Variants in EML1 observed in about 807,000 individuals in gnomAD.
EML1 encodes echinoderm microtubule-associated protein-like 1.
Under a neutral mutation model 110.4 loss-of-function variants are expected in EML1, and 27 were observed. The observed-to-expected ratio is 0.24, with a 90% CI of 0.18 to 0.34. The LOEUF (loss-of-function observed/expected upper bound fraction) is 0.34, where lower values mean the gene tolerates loss of function less well. EML1 is among the 10% of genes least tolerant of loss of function. The probability of loss-of-function intolerance (pLI) is 1.00; values close to 1 mark genes in which losing one functional copy is unlikely to be tolerated. For missense variants in EML1, 741 were observed against 1,030.9 expected, an observed-to-expected ratio of 0.72 and a Z score of 3.85; for synonymous variants, 344 against 385.8, an observed-to-expected ratio of 0.89 and a Z score of 1.27.
intron 1 of EML1, among the ~76,000 whole-genome samples, chr14:99,754,682 A>G (rs1253976129): frequency 6.6e-6 from 1 of 152,234 alleles, no homozygotes; most frequent in Admixed American, 6.5e-5. Flanking sequence ...ACCCCGGCAC[A>G]GGGCAGAGAG....
chr14:99,788,631 A>ATG (rs376095429), upstream of EML1, among the ~76,000 whole-genome samples: 944 of 150,258 alleles, frequency 6.3e-3, 3 homozygotes, highest in African/African-American at 0.01. Context: ...TCTCCCTAAT[A>ATG]TGTGTGTGTG....
At chr14:99,754,490 G>A (rs1041443905) in intron 1 of EML1, among the ~76,000 whole-genome samples, 1 of 152,220 alleles carries the variant, frequency 6.6e-6, no homozygotes, top group Non-Finnish European at 1.5e-5. Context: ...CTGTGTGGGA[G>A]GAGTAGGTTA....
In EML1 at chr14:99,879,344, C is replaced by T. The variant is rs2059347252; in HGVS notation, c.518+725C>T. 2.0e-5 allele frequency among the ~76,000 whole-genome samples: 3 copies of T among 152,092 alleles called. No individual in the cohort carries two copies. The South Asian group carries it at 6.2e-4, about 32-fold the overall frequency. On this transcript the variant is annotated intron_variant, in intron 4 of 21. Transcript: ENST00000262233. ...CTATGTATTTTTACCTAACATTGTA[C>T]TTTGTTCTCACTTTTTAAACATTGT... is the stretch of plus-strand genomic sequence containing the variant.
intron 1 of EML1, among the ~76,000 whole-genome samples, chr14:99,752,499 C>T (rs558547942): frequency 2.0e-5 from 3 of 152,360 alleles, no homozygotes; most frequent in East Asian, 1.9e-4. Flanking sequence ...ATTGCCCCTA[C>T]ACCCCAGCAC....
At position 99,905,293 on chromosome 14, in the gene EML1, G is replaced by T. The variant is rs1027469626; in HGVS notation, c.1009-2345G>T. On this transcript the variant is annotated intron_variant, in intron 9 of 21. Transcript: ENST00000262233. This position sits in a 1 kb window ranked among gnomAD's most constrained non-coding sequence, Gnocchi z 4.1. ...GCACCCAGCACCCAAAATCAAACTGGCAGGGCTCAGACATGCCCCTGGTCG... is the reference window on the plus strand; with the variant it reads ...GCACCCAGCACCCAAAATCAAACTGTCAGGGCTCAGACATGCCCCTGGTCG... 1.1e-4 allele frequency among the ~76,000 whole-genome samples: 17 copies of T among 152,208 alleles called. No individual in the cohort carries two copies. Among genetic ancestry groups the T allele is most frequent in the African/African-American group, 4.1e-4 (17 of 41,458 alleles).
At position 99,936,449 on chromosome 14, in the gene EML1, C is replaced by T. The variant is rs2060473236; in HGVS notation, c.2095+115C>T. Reference sequence around the variant, plus strand: ...GTATGACTTAGGCACGTGCCATCATCTCTAGGTCATGGTTTCCGCCTCTGT... The same window carrying T: ...GTATGACTTAGGCACGTGCCATCATTTCTAGGTCATGGTTTCCGCCTCTGT... On this transcript the variant is annotated intron_variant, in intron 19 of 21. Coordinates refer to ENST00000262233, the MANE Select transcript of EML1 (RefSeq NM_004434.3). This position sits in a 1 kb window ranked among gnomAD's most constrained non-coding sequence, Gnocchi z 5.5. 1.2e-5 allele frequency: 11 copies of T among 931,620 alleles called. No individual in the cohort carries two copies. The East Asian group carries it at 2.9e-4, about 24-fold the overall frequency. The allele number at this position is 931,620 out of a possible 1,614,324, so 57.7% of individuals were successfully genotyped here. A position where few individuals can be genotyped will look rare whatever the true frequency, so the allele number is the denominator to read the frequency against.
Position 99,756,708 on chromosome 14 carries a change from C to T in EML1, c.28+18848C>T, listed in dbSNP as rs141913191. On this transcript the variant is annotated intron_variant, in intron 1 of 10. Transcript: ENST00000554479. ...GGTGTTTGTTAAAAAATTACACCTT[C>T]CCGAGCCCCCACACCTGTGGAATCT... Among the ~76,000 whole-genome samples the T allele has an allele frequency of 5.5e-3, 844 of 152,256 alleles. 5 individuals are homozygous for T. The highest frequency in any genetic ancestry group is 8.7e-3 in the Non-Finnish European group (593 of 68,014).
chr14:99,936,866 T>C lies in EML1; in HGVS notation c.2095+532T>C, dbSNP rs117574912. Reference sequence around the variant, plus strand: ...GTGGCGGGCACTTACAAGCACATCCTCATGCCACGCACTGGTTCCTTAGAC... The same window carrying C: ...GTGGCGGGCACTTACAAGCACATCCCCATGCCACGCACTGGTTCCTTAGAC... On this transcript the variant is annotated intron_variant, in intron 19 of 21. Coordinates refer to ENST00000262233, the MANE Select transcript of EML1 (RefSeq NM_004434.3). The surrounding 1 kb of genome is among the most constrained non-coding windows in gnomAD (Gnocchi z 5.5). Among the ~76,000 whole-genome samples, 1 of 152,274 alleles carries C rather than the reference T, an allele frequency of 6.6e-6. No individual in the cohort carries two copies. The highest frequency in any genetic ancestry group is 1.9e-4 in the East Asian group (1 of 5,168).
intron 3 of EML1, among the ~76,000 whole-genome samples, chr14:99,872,271 C>T (rs957183524): frequency 6.6e-6 from 1 of 152,168 alleles, no homozygotes; most frequent in African/African-American, 2.4e-5. Flanking sequence ...GTGGCAATTA[C>T]TCTCAGCAAT....
chr14:99,923,932 G>A (rs1393887128), intron 17 of EML1, among the ~76,000 whole-genome samples: 2 of 152,186 alleles, frequency 1.3e-5, no homozygotes, highest in Admixed American at 1.3e-4. Flanking sequence ...GGGATTACAG[G>A]TGTGAGGCAC....
intron 14 of EML1, 116 bp downstream of exon 14, chr14:99,914,420 G>A: frequency 2.0e-6 from 3 of 1,531,246 alleles, no homozygotes; most frequent in Non-Finnish European, 2.6e-6. Context: ...ACCCCAGAGT[G>A]TCTGTGGCTG....
Position 99,897,137 on chromosome 14 carries a change from C to A in EML1, c.678-8C>A. On this transcript the variant is annotated splice_polypyrimidine_tract_variant and splice_region_variant and intron_variant, in intron 6 of 21. Transcript: ENST00000262233. ...GGGAAAAAAAATTTTATCTTGACAT[C>A]CACAAAGCTATGGGTACAGGGGTCG... 1 of 1,536,600 alleles carries A rather than the reference C, an allele frequency of 6.5e-7. No individual in the cohort carries two copies. The highest frequency in any genetic ancestry group is 8.7e-7 in the Non-Finnish European group (1 of 1,144,184).
chr14:99,776,301 G>A (rs1338732526), intron 1 of EML1, among the ~76,000 whole-genome samples: 1 of 152,096 alleles, frequency 6.6e-6, no homozygotes, highest in East Asian at 1.9e-4. Context: ...TCGGGAGCTC[G>A]AGACCAGCCT....
chr14:99,939,613 C>T lies in EML1; in HGVS notation c.2322+286C>T, dbSNP rs142999172. Reference sequence around the variant, plus strand: ...CCCTTGCTCCGGCCCTGCTCAGCCGCGCCAGCCCTGAGCCCTGGGACGCCC... The same window carrying T: ...CCCTTGCTCCGGCCCTGCTCAGCCGTGCCAGCCCTGAGCCCTGGGACGCCC... On this transcript the variant is annotated intron_variant, in intron 21 of 21. Transcript: ENST00000262233. The surrounding 1 kb of genome is among the most constrained non-coding windows in gnomAD (Gnocchi z 4.2). 1.7e-3 allele frequency among the ~76,000 whole-genome samples: 265 copies of T among 152,296 alleles called. 4 individuals are homozygous for T. The South Asian group carries it at 0.027, about 16-fold the overall frequency.
At chr14:99,807,405 A>C (rs1479503665) in intron 1 of EML1, among the ~76,000 whole-genome samples, 2 of 152,216 alleles carry the variant, frequency 1.3e-5, no homozygotes, top group Non-Finnish European at 1.5e-5. Flanking sequence ...CCTGGCAGGA[A>C]GCAATGGTGC....
intron 2 of EML1, among the ~76,000 whole-genome samples, chr14:99,863,755 C>A (rs1483243681): frequency 6.6e-6 from 1 of 152,204 alleles, no homozygotes; most frequent in African/African-American, 2.4e-5. Flanking sequence ...TTGGTCGCTT[C>A]CCGTTTTTGA....
chr14:99,772,433 G>C (rs1195319522), upstream of EML1, among the ~76,000 whole-genome samples: 1 of 152,202 alleles, frequency 6.6e-6, no homozygotes, highest in Non-Finnish European at 1.5e-5. Flanking sequence ...CCAGACAACA[G>C]ACTTTCTACT....
intron 1 of EML1, among the ~76,000 whole-genome samples, chr14:99,835,417 T>C (rs1018182555): frequency 1.3e-5 from 2 of 152,218 alleles, no homozygotes; most frequent in Non-Finnish European, 2.9e-5. Flanking sequence ...TGAACTAGCT[T>C]TTCATTCCAT....
intron 1 of EML1, among the ~76,000 whole-genome samples, chr14:99,826,006 A>G (rs868845769): frequency 2.0e-5 from 3 of 152,142 alleles, no homozygotes; most frequent in Non-Finnish European, 4.4e-5. Flanking sequence ...GCCGTTGTAC[A>G]ACAGTAGGCA....
Sources: allele counts gnomAD v4.1 joint callset (sites outside exome capture counted in the v4.1 genomes callset), GRCh38; gene constraint gnomAD v4.1.1; non-coding constraint Gnocchi (gnomAD v3.1); transcripts MANE v1.5; gene names NCBI Gene and HGNC (gene_info 2026-07-23, HGNC 2026-07-21).